The following ATP2B2 variants were observed in gnomAD, a reference collection of about 807,000 sequenced individuals.
ATP2B2 encodes plasma membrane calcium-transporting ATPase 2.
Under a neutral mutation model 120.0 loss-of-function variants are expected in ATP2B2, and 15 were observed. The observed-to-expected ratio is 0.12, with a 90% confidence interval of 0.08 to 0.19. ATP2B2 has a LOEUF of 0.19. ATP2B2 is among the 10% of genes least tolerant of loss of function. ATP2B2 has a pLI of 1.00. For synonymous variants in ATP2B2, 694 were observed against 700.3 expected (o/e 0.99, Z 0.14); for missense variants, 1,045 against 1,719.8 (o/e 0.61, Z 6.94).
chr3:10,667,769 T>G (rs892596388), intron 1 of ATP2B2, among the ~76,000 whole-genome samples: 1 of 152,132 alleles, frequency 6.6e-6, no homozygotes, highest in Non-Finnish European at 1.5e-5. Context: ...AGAGCTGCCG[T>G]TAGAAGGAAC....
At chr3:10,460,358 T>G (rs890314283) in intron 1 of ATP2B2, among the ~76,000 whole-genome samples, 7 of 151,342 alleles carry the variant, frequency 4.6e-5, no homozygotes, top group African/African-American at 1.5e-4. Context: ...ATTAGGGAGG[T>G]GGAGGTGGGT....
At chr3:10,661,247 G>C (rs1428945881) in intron 1 of ATP2B2, among the ~76,000 whole-genome samples, 3 of 151,946 alleles carry the variant, frequency 2.0e-5, no homozygotes, top group African/African-American at 7.3e-5. Flanking sequence ...GTTCTGGCGA[G>C]GGCAATCAGG....
chr3:10,665,556 C>A (rs2070908316), intron 1 of ATP2B2, among the ~76,000 whole-genome samples: 1 of 152,038 alleles, frequency 6.6e-6, no homozygotes, highest in African/African-American at 2.4e-5. Context: ...CGTTGTACCC[C>A]CAGCACATTC....
In ATP2B2 at chr3:10,328,683, T is replaced by C; in HGVS notation, c.*131A>G. ...TCTGTGGGTGGAAACGTTGGTTTTC[T>C]CTCCAGTATTTGGTTTCCGATTGTT... On this transcript the variant is annotated 3_prime_UTR_variant, in exon 23 of 23. Coordinates refer to ENST00000360273, the MANE Select transcript of ATP2B2 (RefSeq NM_001001331.4). The C allele has an allele frequency of 1.0e-6, 1 of 956,246 alleles. No homozygotes were observed. The highest frequency in any genetic ancestry group is 2.6e-5 in the East Asian group (1 of 37,766). The allele number at this position is 956,246 out of a possible 1,614,324, so 59.2% of individuals were successfully genotyped here.
At chr3:10,627,771 G>A (rs1360686653) in intron 1 of ATP2B2, among the ~76,000 whole-genome samples, 1 of 152,218 alleles carries the variant, frequency 6.6e-6, no homozygotes, top group Non-Finnish European at 1.5e-5. Context: ...TGGGAATGTG[G>A]TGGTGAGCTA....
chr3:10,420,487 G>A (rs1374536540), intron 2 of ATP2B2, among the ~76,000 whole-genome samples: 1 of 151,844 alleles, frequency 6.6e-6, no homozygotes, highest in African/African-American at 2.4e-5. Context: ...TCGGCCCCCC[G>A]AGTAGCTGGG....
chr3:10,472,883 C>T (rs1173006037), intron 1 of ATP2B2, among the ~76,000 whole-genome samples: 1 of 152,242 alleles, frequency 6.6e-6, no homozygotes, highest in East Asian at 1.9e-4. Context: ...ATGTGCACTG[C>T]CTCATTTATC....
chr3:10,414,838 G>A (rs1269091264), intron 2 of ATP2B2, among the ~76,000 whole-genome samples: 4 of 150,574 alleles, frequency 2.7e-5, no homozygotes, highest in Non-Finnish European at 4.4e-5. Context: ...ACAGACTTCC[G>A]AGAGGCCCTC....
Position 10,576,336 on chromosome 3 carries a change from C to T in ATP2B2, c.-414-42203G>A, listed in dbSNP as rs1033108440. On this transcript the variant is annotated intron_variant, in intron 2 of 21. Transcript: ENST00000646379. ...CCCTTCTCACTCAGGCTGCTTAGGC[C>T]GAGTGTACGGTGAACACTGAGCTCA... Among the ~76,000 whole-genome samples the T allele has an allele frequency of 1.8e-4, 28 of 152,136 alleles. 1 individual carries two copies. The highest frequency in any genetic ancestry group is 6.5e-4 in the Admixed American group (10 of 15,278).
At chr3:10,551,286 G>C (rs1197999968) in intron 2 of ATP2B2, among the ~76,000 whole-genome samples, 1 of 152,250 alleles carries the variant, frequency 6.6e-6, no homozygotes, top group Non-Finnish European at 1.5e-5. Flanking sequence ...GGAAAGATGA[G>C]AGACGCAGCC....
chr3:10,415,618 T>A (rs1233621422), intron 2 of ATP2B2, among the ~76,000 whole-genome samples: 1 of 152,190 alleles, frequency 6.6e-6, no homozygotes. Flanking sequence ...AGGAGCTGAA[T>A]CTTGTGGTCT....
intron 1 of ATP2B2, among the ~76,000 whole-genome samples, chr3:10,670,224 A>G (rs1161280067): frequency 6.6e-6 from 1 of 152,200 alleles, no homozygotes; most frequent in Non-Finnish European, 1.5e-5. Flanking sequence ...CCTTCGCTGG[A>G]GGATGCTGCT....
At chr3:10,363,707 T>TA (rs897126970) in intron 12 of ATP2B2, among the ~76,000 whole-genome samples, 57 of 148,306 alleles carry the variant, frequency 3.8e-4, no homozygotes, top group East Asian at 1.8e-3. Context: ...TGGCTACTGT[T>TA]AAAAAAAAAA....
At chr3:10,568,386 A>AG (rs1291198979) in intron 2 of ATP2B2, among the ~76,000 whole-genome samples, 1 of 152,212 alleles carries the variant, frequency 6.6e-6, no homozygotes, top group Non-Finnish European at 1.5e-5. Flanking sequence ...TGGTAGGATC[A>AG]GGGCTCATGG....
At chr3:10,529,155 G>A (rs2067159621) in intron 3 of ATP2B2, among the ~76,000 whole-genome samples, 1 of 152,244 alleles carries the variant, frequency 6.6e-6, no homozygotes, top group African/African-American at 2.4e-5. Flanking sequence ...ATGAGAGGGA[G>A]TAGGGGCTCC....
intron 1 of ATP2B2, among the ~76,000 whole-genome samples, chr3:10,498,529 C>T (rs1325160661): frequency 1.3e-5 from 2 of 152,230 alleles, no homozygotes; most frequent in African/African-American, 2.4e-5. Context: ...CTCCCTTGGG[C>T]CTGCAAGGCA....
chr3:10,352,291 C>T (rs1215321505), intron 14 of ATP2B2, among the ~76,000 whole-genome samples: 1 of 152,230 alleles, frequency 6.6e-6, no homozygotes, highest in African/African-American at 2.4e-5. Flanking sequence ...CACTGCCTGG[C>T]CCCTCTTTCC....
intron 12 of ATP2B2, among the ~76,000 whole-genome samples, chr3:10,367,204 C>A (rs1203627049): frequency 6.6e-6 from 1 of 152,130 alleles, no homozygotes; most frequent in African/African-American, 2.4e-5. Context: ...ACCATGTTTC[C>A]TAAGTGAGCT....
intron 1 of ATP2B2, among the ~76,000 whole-genome samples, chr3:10,636,810 A>G (rs937922917): frequency 1.2e-4 from 19 of 152,188 alleles, no homozygotes; most frequent in African/African-American, 4.6e-4. Context: ...AGTCCAGGAC[A>G]GAGCATCAGA....
Sources: gnomAD v4.1 joint callset for allele counts (sites outside exome capture counted in the v4.1 genomes callset) on GRCh38, gnomAD v4.1.1 for gene constraint, MANE v1.5 for transcripts, NCBI Gene and HGNC (gene_info 2026-07-23, HGNC 2026-07-21) for gene names.